Variants in MAGI1 observed in about 807,000 individuals in gnomAD.
MAGI1 encodes the protein membrane associated guanylate kinase, WW and PDZ domain containing 1, also known as membrane-associated guanylate kinase, WW and PDZ domain-containing protein 1.
Under a neutral mutation model 139.9 loss-of-function variants are expected in MAGI1, and 58 were observed. The observed-to-expected ratio is 0.41, with a 90% CI of 0.34 to 0.52. The LOEUF (loss-of-function observed/expected upper bound fraction) is 0.52, where lower values mean the gene tolerates loss of function less well. Ranked by LOEUF, MAGI1 falls within the 20% of genes least tolerant of loss-of-function variation. The pLI is 0.12. For missense variants in MAGI1, 1,874 were observed against 1,901.6 expected (o/e 0.99, Z 0.27); for synonymous variants, 812 against 737.9 (o/e 1.10, Z -1.63).
At chr3:65,409,678 T>C (rs1233609249) in intron 12 of MAGI1, among the ~76,000 whole-genome samples, 1 of 151,994 alleles carries the variant, frequency 6.6e-6, no homozygotes, top group South Asian at 2.1e-4. Flanking sequence ...CATAACCCCG[T>C]AGCATAATTT....
chr3:65,707,115 G>A (rs923345489), intron 1 of MAGI1, among the ~76,000 whole-genome samples: 2 of 152,186 alleles, frequency 1.3e-5, no homozygotes, highest in African/African-American at 4.8e-5. Flanking sequence ...TACTGTAGAT[G>A]TTGTATAAAC....
At chr3:65,477,711 A>ATTTTTT (rs60679864) in intron 4 of MAGI1, among the ~76,000 whole-genome samples, 3 of 141,612 alleles carry the variant, frequency 2.1e-5, no homozygotes, top group South Asian at 4.4e-4. Flanking sequence ...TATTATTATT[A>ATTTTTT]TTTTTTTTTT....
chr3:65,564,244 T>C (rs1049104257), intron 2 of MAGI1, among the ~76,000 whole-genome samples: 1 of 151,718 alleles, frequency 6.6e-6, no homozygotes, highest in African/African-American at 2.4e-5. Flanking sequence ...CGAAAATGGA[T>C]AACAAATCTT....
intron 1 of MAGI1, among the ~76,000 whole-genome samples, chr3:65,819,673 T>C (rs933667930): frequency 6.6e-6 from 1 of 151,496 alleles, no homozygotes; most frequent in Non-Finnish European, 1.5e-5. Flanking sequence ...GGTCAAGAGA[T>C]CGAGACCATC....
At chr3:65,943,784 AG>A (rs1227099972) in intron 1 of MAGI1, among the ~76,000 whole-genome samples, 1 of 152,222 alleles carries the variant, frequency 6.6e-6, no homozygotes, top group Non-Finnish European at 1.5e-5. Flanking sequence ...AATATTCTGT[AG>A]AGAAGCAGTA....
At chr3:65,442,939 G>C in intron 7 of MAGI1, 90 bp from the exon 8 acceptor site, 2 of 920,776 alleles carry the variant, frequency 2.2e-6, no homozygotes, top group Non-Finnish European at 3.5e-6. Context: ...AAAAGAGAAA[G>C]ACTCATAAAA....
intron 6 of MAGI1, among the ~76,000 whole-genome samples, chr3:65,450,767 A>G (rs1948986436): frequency 6.6e-6 from 1 of 152,236 alleles, no homozygotes; most frequent in South Asian, 2.1e-4. Flanking sequence ...GAAATAGAAC[A>G]TATTAAATCT....
chr3:65,395,099 T>C (rs1371700526), intron 13 of MAGI1, among the ~76,000 whole-genome samples: 1 of 152,098 alleles, frequency 6.6e-6, no homozygotes, highest in African/African-American at 2.4e-5. Flanking sequence ...CTACCTGCAA[T>C]AGATTTATTC....
At chr3:65,741,394 T>G (rs2035253794) in intron 1 of MAGI1, among the ~76,000 whole-genome samples, 1 of 152,166 alleles carries the variant, frequency 6.6e-6, no homozygotes, top group South Asian at 2.1e-4. Flanking sequence ...CAGGATGGAC[T>G]CAGTCTCCTG....
At chr3:65,360,763 T>C in intron 22 of MAGI1, 1 of 1,011,956 alleles carries the variant, frequency 9.9e-7, no homozygotes, top group South Asian at 4.2e-5. Flanking sequence ...TCATGCCTCT[T>C]AAATAAAGAC....
chr3:65,869,372 TG>T (rs1471417962), intron 1 of MAGI1, among the ~76,000 whole-genome samples: 9 of 99,214 alleles, frequency 9.1e-5, no homozygotes, highest in South Asian at 6.1e-4. Context: ...GGTTTTTTGT[TG>T]TTGTTGTTGT....
intron 5 of MAGI1, among the ~76,000 whole-genome samples, chr3:65,465,946 G>T (rs1233698540): frequency 6.6e-6 from 1 of 151,958 alleles, no homozygotes; most frequent in Admixed American, 6.6e-5. Flanking sequence ...TCTCTCTATT[G>T]TTCTTATTGG....
chr3:65,786,658 C>CTGGA (rs1239433226), intron 1 of MAGI1, among the ~76,000 whole-genome samples: 30 of 142,164 alleles, frequency 2.1e-4, no homozygotes, highest in African/African-American at 7.6e-4. Context: ...GTCACCCAGG[C>CTGGA]TGGAGTGCAG....
chr3:65,718,961 C>T (rs2032629123), intron 1 of MAGI1, among the ~76,000 whole-genome samples: 1 of 147,922 alleles, frequency 6.8e-6, no homozygotes, highest in East Asian at 2.0e-4. Context: ...CTCTGCTCCT[C>T]ACCACAGCCT....
intron 2 of MAGI1, among the ~76,000 whole-genome samples, chr3:65,502,851 G>C (rs1212226800): frequency 1.3e-5 from 2 of 152,114 alleles, no homozygotes; most frequent in Non-Finnish European, 2.9e-5. Flanking sequence ...GTGTGGGTAA[G>C]GTGGTCATGG....
chr3:65,898,992 C>T (rs1470956580), intron 1 of MAGI1, among the ~76,000 whole-genome samples: 1 of 152,150 alleles, frequency 6.6e-6, no homozygotes, highest in Non-Finnish European at 1.5e-5. Flanking sequence ...CACAATCTTG[C>T]CTCACTGAAG....
intron 1 of MAGI1, among the ~76,000 whole-genome samples, chr3:65,631,551 C>A (rs2084304259): frequency 6.6e-6 from 1 of 152,016 alleles, no homozygotes; most frequent in Non-Finnish European, 1.5e-5. Context: ...TTCTGATTAT[C>A]TTCTTGAGAT....
At chr3:65,440,544 C>A (rs866268708) in intron 8 of MAGI1, among the ~76,000 whole-genome samples, 1 of 152,054 alleles carries the variant, frequency 6.6e-6, no homozygotes, top group African/African-American at 2.4e-5. Context: ...ACATACAATG[C>A]CAGAACTGCT....
chr3:65,699,434 T>C (rs1365412758), intron 1 of MAGI1, among the ~76,000 whole-genome samples: 2 of 147,696 alleles, frequency 1.4e-5, no homozygotes, highest in Non-Finnish European at 3.0e-5. Context: ...ACACATATGT[T>C]TATTGCGGCA....
Sources: allele counts gnomAD v4.1 joint callset (sites outside exome capture counted in the v4.1 genomes callset), GRCh38; gene constraint gnomAD v4.1.1; transcripts MANE v1.5; gene names NCBI Gene and HGNC (gene_info 2026-07-23, HGNC 2026-07-21).